The following BRD9 variants were observed in gnomAD, a reference collection of about 807,000 sequenced individuals.
The protein encoded by BRD9 is bromodomain-containing protein 9.
BRD9 carries 47 observed loss-of-function variants against 68.7 expected under a neutral mutation model. The observed-to-expected ratio is 0.68, with a 90% CI of 0.54 to 0.87. BRD9 has a LOEUF of 0.87. Ranked by LOEUF, BRD9 falls within the 40% of genes least tolerant of loss-of-function variation. BRD9 has a pLI of 0.00. For synonymous variants in BRD9, 313 were observed against 293.9 expected (o/e 1.06, Z -0.67); for missense variants, 670 against 748.4 (o/e 0.90, Z 1.22).
chr5:870,126 G>A (rs762378959), intron 14 of BRD9, among the ~76,000 whole-genome samples: 44 of 152,166 alleles, frequency 2.9e-4, no homozygotes, highest in Non-Finnish European at 1.0e-4. Flanking sequence ...GCCTCCAGGC[G>A]TCCAGCAATG....
intron 8 of BRD9, chr5:883,049 A>G: frequency 2.8e-6 from 1 of 351,596 alleles, no homozygotes; most frequent in East Asian, 7.7e-5. Flanking sequence ...AGACCACTGC[A>G]ACTTCCCAAC....
At position 886,677 on chromosome 5, in the gene BRD9, C is replaced by G; in HGVS notation, c.748G>C (p.Ala250Pro). The change falls in exon 7 of 16, where the codon GCT becomes CCT. Residue 250 changes from alanine to proline, a missense_variant. Ala to Pro is a conservative substitution (Grantham distance 27). Coordinates refer to ENST00000467963, the MANE Select transcript of BRD9 (RefSeq NM_023924.5). The part of the protein sequence containing the change: ...QAALLGNEDT[A>P]VEEPVPEVVP... ...ACTTCAGGGACAGGTTCCTCAACAG[C>G]TGTATCTTCATTGCCCAAAAGAGCT... is the stretch of plus-strand genomic sequence containing the variant. The G allele has an allele frequency of 2.5e-6, 4 of 1,614,174 alleles. No homozygotes were observed. The highest frequency in any genetic ancestry group is 2.5e-6 in the Non-Finnish European group (3 of 1,179,992).
intron 13 of BRD9, 110 bp from the exon 14 acceptor site, chr5:870,685 A>G: frequency 1.3e-6 from 1 of 741,700 alleles, no homozygotes; most frequent in African/African-American, 1.7e-5. Context: ...ACGTGAACCC[A>G]CCCCTCAGTA....
At chr5:877,754 T>A (rs1387734864) in intron 11 of BRD9, among the ~76,000 whole-genome samples, 2 of 152,160 alleles carry the variant, frequency 1.3e-5, no homozygotes, top group Non-Finnish European at 2.9e-5. Context: ...CCTTGGAATG[T>A]GATTATACTT....
At chr5:886,232 G>A (rs879059265) in intron 7 of BRD9, among the ~76,000 whole-genome samples, 3 of 152,248 alleles carry the variant, frequency 2.0e-5, no homozygotes, top group Admixed American at 6.5e-5. Context: ...AAGTCAGCCC[G>A]CTTGTGCGGC....
At chr5:876,969 C>A (rs1392924552) in intron 11 of BRD9, among the ~76,000 whole-genome samples, 3 of 152,252 alleles carry the variant, frequency 2.0e-5, no homozygotes, top group Non-Finnish European at 4.4e-5. Context: ...TGCGCTGAGG[C>A]TGGCATGGGA....
In BRD9 at chr5:886,636, T is replaced by C. The variant is rs1299329315; in HGVS notation, c.789A>G (p.Val263=). Residue 263 remains valine (V), a synonymous_variant, in exon 7 of 16, where the codon GTA becomes GTG. Coordinates refer to ENST00000467963, the MANE Select transcript of BRD9 (RefSeq NM_023924.5). ...EPVPEVVPVQ[V]ETAKKSKKPS... ...GCTTTTTGGATTTCTTGGCAGTTTC[T>C]ACTTGTACTGGTACAACTTCAGGGA... The C allele has an allele frequency of 6.2e-7, 1 of 1,614,094 alleles. No individual in the cohort carries two copies. The highest frequency in any genetic ancestry group is 8.5e-7 in the Non-Finnish European group (1 of 1,180,024).
intron 3 of BRD9, among the ~76,000 whole-genome samples, 162 bp downstream of exon 3, chr5:890,993 C>G (rs1014114589): frequency 6.6e-6 from 1 of 152,154 alleles, no homozygotes; most frequent in Non-Finnish European, 1.5e-5. Context: ...TCAGAGACAC[C>G]GGAGGAAACC....
intron 14 of BRD9, chr5:866,512 A>G: frequency 6.6e-6 from 1 of 152,428 alleles, no homozygotes; most frequent in Non-Finnish European, 1.5e-5. Context: ...AAAGTTTGGA[A>G]CTACCTAGAG....
rs368965233 is a variant in BRD9, at chr5:864,581, G to T, written c.1694-13C>A. 3 of 1,611,758 alleles carry T rather than the reference G, an allele frequency of 1.9e-6. No homozygotes were observed. The South Asian group carries it at 3.3e-5, about 18-fold the overall frequency. ...CGAGAAGGGCTTCCTGCAATTTTCA[G>T]AACACAGGACTTCAACACACAGGAC... On this transcript the variant is annotated splice_polypyrimidine_tract_variant and intron_variant, in intron 15 of 15. Coordinates refer to ENST00000467963, the MANE Select transcript of BRD9 (RefSeq NM_023924.5).
At position 865,470 on chromosome 5, in the gene BRD9, G is replaced by A. The variant is rs374160454; in HGVS notation, c.1637C>T (p.Pro546Leu). Reference sequence around the variant, plus strand: ...GGACAGGGAGCTGAGGTTGGACGACGGCCGAGAGCCGCCGCGCTCCGCCTG... The same window carrying A: ...GGACAGGGAGCTGAGGTTGGACGACAGCCGAGAGCCGCCGCGCTCCGCCTG... ...EAQAERGGSR[P>L]SSNLSSLSNA... The change falls in exon 15 of 16, where the codon CCG becomes CTG. Residue 546 changes from proline to leucine, a missense_variant. Pro to Leu is a moderately conservative substitution (Grantham distance 98, BLOSUM62 -3). Around this residue, in one of 5 missense-constraint regions of BRD9, gnomAD observed 280 missense variants for 281.5 expected, o/e 0.99. Coordinates refer to ENST00000467963, the MANE Select transcript of BRD9 (RefSeq NM_023924.5). The A allele has an allele frequency of 1.6e-5, 25 of 1,599,472 alleles. No homozygotes were observed. Among genetic ancestry groups the A allele is most frequent in the African/African-American group, 2.7e-5 (2 of 74,724 alleles).
chr5:874,844 T>C (rs1750671489), intron 12 of BRD9, among the ~76,000 whole-genome samples: 1 of 152,224 alleles, frequency 6.6e-6, no homozygotes, highest in African/African-American at 2.4e-5. Context: ...GAAACTAATC[T>C]GCAGCAGCCT....
At chr5:882,804 C>T (rs1313975124) in intron 8 of BRD9, among the ~76,000 whole-genome samples, 2 of 150,576 alleles carry the variant, frequency 1.3e-5, no homozygotes, top group African/African-American at 4.9e-5. Context: ...AACTTCCCAA[C>T]ACATAAGCCA....
intron 11 of BRD9, among the ~76,000 whole-genome samples, chr5:877,955 G>A (rs568320996): frequency 6.6e-6 from 1 of 152,226 alleles, no homozygotes; most frequent in Non-Finnish European, 1.5e-5. Context: ...GCAGGCCCAG[G>A]AGAGAGGGCT....
Position 892,704 on chromosome 5 carries a change from A to AC in BRD9, c.-48dup. On this transcript the variant is annotated 5_prime_UTR_variant, in exon 1 of 16. Coordinates refer to ENST00000467963, the MANE Select transcript of BRD9 (RefSeq NM_023924.5). ...GAGGCGGGGGCTGGGAACAGCTGGC[A>AC]CCCGGTCGGACCTTGGCCGCCACCG... 7.5e-7 allele frequency: 1 copy of AC among 1,327,332 alleles called. No homozygotes were observed. The highest frequency in any genetic ancestry group is 9.7e-7 in the Non-Finnish European group (1 of 1,036,232). 82.2% of individuals were successfully genotyped at this position (1,327,332 alleles called of 1,614,324 possible). A position where few individuals can be genotyped will look rare whatever the true frequency, so the allele number is the denominator to read the frequency against.
chr5:889,478 G>A (rs934501048), intron 4 of BRD9, 109 bp downstream of exon 4: 2 of 1,218,980 alleles, frequency 1.6e-6, no homozygotes, highest in East Asian at 2.5e-5. Flanking sequence ...CCAAGAGAAG[G>A]TGCAGGGTCT....
Position 876,164 on chromosome 5 carries a change from C to T in BRD9, c.1320G>A (p.Val440=). The T allele has an allele frequency of 4.3e-6, 7 of 1,613,856 alleles. No homozygotes were observed. Among genetic ancestry groups the T allele is most frequent in the Non-Finnish European group, 5.9e-6 (7 of 1,179,950 alleles). The part of the protein sequence containing the change: ...KDAGSYSKKV[V]DDLLDQITGG... The stretch of plus-strand genomic sequence containing the variant: ...CTGTGATCTGGTCCAGGAGGTCGTC[C>T]ACCACTTTCTTGCTGTAGCTCCCAG... Residue 440 remains valine (V), a synonymous_variant, in exon 12 of 16, where the codon GTG becomes GTA. Transcript: ENST00000467963.
chr5:872,146 T>A (rs1750234880), intron 12 of BRD9, among the ~76,000 whole-genome samples: 1 of 152,230 alleles, frequency 6.6e-6, no homozygotes, highest in Non-Finnish European at 1.5e-5. Context: ...ACTGTCGGCC[T>A]CCGTGGCACA....
At chr5:886,973 G>A (rs1429424888) in intron 6 of BRD9, 7 of 548,436 alleles carry the variant, frequency 1.3e-5, no homozygotes, top group South Asian at 6.2e-5. Flanking sequence ...CTTCTCCTAC[G>A]TGGGATGCAT....
Sources: allele counts gnomAD v4.1 joint callset (sites outside exome capture counted in the v4.1 genomes callset), GRCh38; gene constraint gnomAD v4.1.1; regional missense constraint gnomAD v4.1.1; transcripts MANE v1.5; gene names NCBI Gene and HGNC (gene_info 2026-07-23, HGNC 2026-07-21).